Variants in COG5 observed in about 807,000 individuals in gnomAD.
The protein encoded by COG5 is component of oligomeric golgi complex 5.
In COG5, 86 loss-of-function variants were observed where a neutral mutation model predicts 110.4. The ratio of observed to expected loss-of-function variants is 0.78; its 90% CI spans 0.65 to 0.93. COG5 has a LOEUF of 0.93. Among genes scored for constraint, COG5 ranks in the 40% least tolerant of loss-of-function variants. COG5 has a pLI of 0.00. For missense variants in COG5, 1,077 were observed against 987.0 expected (o/e 1.09, Z -1.22); for synonymous variants, 360 against 334.6 (o/e 1.08, Z -0.83).
intron 10 of COG5, among the ~76,000 whole-genome samples, chr7:107,352,637 A>G (rs12535661): frequency 8.0e-5 from 8 of 99,566 alleles, no homozygotes; most frequent in African/African-American, 1.1e-4. Context: ...AAATTTGGAT[A>G]TCCTAAATTT....
chr7:107,297,341 G>C (rs1386949426), intron 12 of COG5, among the ~76,000 whole-genome samples: 1 of 151,140 alleles, frequency 6.6e-6, no homozygotes, highest in Admixed American at 6.6e-5. Flanking sequence ...ATGTGCATAG[G>C]TTATATGCAA....
At chr7:107,295,268 GTTC>G (rs1437122967) in intron 12 of COG5, among the ~76,000 whole-genome samples, 1 of 149,840 alleles carries the variant, frequency 6.7e-6, no homozygotes, top group Admixed American at 6.7e-5. Flanking sequence ...CTCTAAATTT[GTTC>G]TTCTGCCTGC....
chr7:107,480,729 T>C (rs1183489466), intron 6 of COG5: 1 of 151,978 alleles, frequency 6.6e-6, no homozygotes, highest in African/African-American at 2.4e-5. Flanking sequence ...CAATGCATCA[T>C]AACAAGCAGA....
rs1343736305 is a variant in COG5 at position 107,415,863 on chromosome 7, CGTAT to C, written c.539-3235_539-3232del. ...GTGTGTATATATACACACACATACA[CGTAT>C]GTATGTATGTGTGTGTATATACACA... On this transcript the variant is annotated intron_variant, in intron 6 of 21. Transcript: ENST00000297135. Among the ~76,000 whole-genome samples the C allele has an allele frequency of 4.7e-4, 41 of 87,174 alleles. 6 individuals are homozygous for C. Among genetic ancestry groups the C allele is most frequent in the Admixed American group, 6.5e-4 (6 of 9,186 alleles). 57.2% of individuals were successfully genotyped at this position (87,174 alleles called of 152,430 possible). A position where few individuals can be genotyped will look rare whatever the true frequency, so the allele number is the denominator to read the frequency against.
intron 6 of COG5, among the ~76,000 whole-genome samples, chr7:107,459,518 C>T (rs868315182): frequency 2.0e-5 from 3 of 151,780 alleles, no homozygotes; most frequent in African/African-American, 7.3e-5. Flanking sequence ...AGAACAGGGC[C>T]AGGTGTGGTG....
At chr7:107,273,871 T>G (rs1476184396) in intron 14 of COG5, among the ~76,000 whole-genome samples, 2 of 152,166 alleles carry the variant, frequency 1.3e-5, no homozygotes, top group African/African-American at 4.8e-5. Flanking sequence ...GTTTGAATAT[T>G]ATATGCCTGT....
In COG5 at chr7:107,479,066, T is replaced by C. The variant is rs1300783933; in HGVS notation, c.538+48171A>G. 2.0e-5 allele frequency among the ~76,000 whole-genome samples: 3 copies of C among 151,946 alleles called. No individual in the cohort carries two copies. In the East Asian group the frequency reaches 5.8e-4, roughly 29 times the overall value. ...ACCCTCAAGAGCTTAAAATCTAGAGTCAAGGTATTAAAAAGTATGGCATTA... is the reference window on the plus strand; with the variant it reads ...ACCCTCAAGAGCTTAAAATCTAGAGCCAAGGTATTAAAAAGTATGGCATTA... On this transcript the variant is annotated intron_variant, in intron 6 of 21. Transcript: ENST00000297135.
At chr7:107,473,049 A>G (rs1796733101) in intron 6 of COG5, 1 of 151,882 alleles carries the variant, frequency 6.6e-6, no homozygotes, top group African/African-American at 2.4e-5. Context: ...TCAAAATTAG[A>G]CAATGGGTGA....
intron 10 of COG5, among the ~76,000 whole-genome samples, chr7:107,337,624 T>G (rs1810816393): frequency 6.6e-6 from 1 of 151,122 alleles, no homozygotes; most frequent in African/African-American, 2.4e-5. Context: ...AGAAGAAGGA[T>G]AGATATCAAA....
At chr7:107,519,893 CAATAA>C (rs1352755739) in intron 6 of COG5, among the ~76,000 whole-genome samples, 1 of 152,190 alleles carries the variant, frequency 6.6e-6, no homozygotes, top group African/African-American at 2.4e-5. Context: ...TGAAAATCCT[CAATAA>C]AATACTGGCA....
At chr7:107,356,204 A>T (rs1812612668) in intron 10 of COG5, among the ~76,000 whole-genome samples, 1 of 152,258 alleles carries the variant, frequency 6.6e-6, no homozygotes, top group South Asian at 2.1e-4. Flanking sequence ...AATGAAATAC[A>T]GAAATTTCAT....
intron 14 of COG5, among the ~76,000 whole-genome samples, chr7:107,274,133 T>A (rs1804499620): frequency 6.6e-6 from 1 of 151,990 alleles, no homozygotes; most frequent in Non-Finnish European, 1.5e-5. Context: ...TCTTTGGGAA[T>A]AAAAATAAAA....
At chr7:107,206,334 C>T (rs1259251584) in intron 21 of COG5, among the ~76,000 whole-genome samples, 1 of 152,168 alleles carries the variant, frequency 6.6e-6, no homozygotes, top group African/African-American at 2.4e-5. Context: ...GCTAACATAC[C>T]ACTCTCAACT....
At chr7:107,543,728 GACA>G (rs1175158650) in intron 5 of COG5, among the ~76,000 whole-genome samples, 1 of 152,092 alleles carries the variant, frequency 6.6e-6, no homozygotes, top group Non-Finnish European at 1.5e-5. Context: ...TGTGGCCTCA[GACA>G]CCAGGCCAGC....
intron 7 of COG5, among the ~76,000 whole-genome samples, chr7:107,409,050 G>A (rs1792077173): frequency 1.1e-4 from 16 of 151,864 alleles, no homozygotes; most frequent in Admixed American, 9.2e-4. Flanking sequence ...AAGATTTGGT[G>A]TTTACAAAAA....
intron 14 of COG5, among the ~76,000 whole-genome samples, chr7:107,260,888 T>A (rs1381537090): frequency 6.6e-6 from 1 of 152,056 alleles, no homozygotes; most frequent in African/African-American, 2.4e-5. Context: ...CCAAGTCCAA[T>A]AGTTAGCTAA....
At chr7:107,207,779 A>G (rs961523948) in intron 21 of COG5, 24 of 985,352 alleles carry the variant, frequency 2.4e-5, no homozygotes, top group Non-Finnish European at 2.9e-5. Flanking sequence ...TGATTTTCAA[A>G]TGAACTTGAC....
intron 10 of COG5, among the ~76,000 whole-genome samples, chr7:107,359,428 C>T (rs747982231): frequency 6.6e-6 from 1 of 152,192 alleles, no homozygotes; most frequent in African/African-American, 2.4e-5. Flanking sequence ...GCAGGTGCCC[C>T]GTGGCATGAA....
chr7:107,420,271 A>G (rs77719571), intron 6 of COG5, among the ~76,000 whole-genome samples: 2,408 of 152,320 alleles, frequency 0.016, 59 homozygotes, highest in African/African-American at 0.056. Context: ...GTAGGGTTGT[A>G]TGGAGCAAGT....
Sources: allele counts gnomAD v4.1 joint callset (sites outside exome capture counted in the v4.1 genomes callset), GRCh38; gene constraint gnomAD v4.1.1; transcripts MANE v1.5; gene names NCBI Gene and HGNC (gene_info 2026-07-23, HGNC 2026-07-21).